Variants in ERP44 observed in about 807,000 individuals in gnomAD.
ERP44 encodes the protein endoplasmic reticulum resident protein 44.
In ERP44, 25 loss-of-function variants were observed where a neutral mutation model predicts 53.4. That is an observed-to-expected ratio of 0.47 (90% CI 0.34 to 0.65). The LOEUF is 0.65. ERP44 is among the 30% of genes least tolerant of loss of function. The pLI is 0.01. For missense variants in ERP44, 338 were observed against 493.2 expected, an observed-to-expected ratio of 0.69 and a Z score of 2.98; for synonymous variants, 145 against 161.2, an observed-to-expected ratio of 0.90 and a Z score of 0.76.
At chr9:100,025,543 A>T (rs1007722223) in intron 4 of ERP44, among the ~76,000 whole-genome samples, 2 of 152,176 alleles carry the variant, frequency 1.3e-5, no homozygotes, top group African/African-American at 4.8e-5. Context: ...CAAAAGCAGA[A>T]AAACATTTGA....
At chr9:100,019,067 T>A (rs1239720281) in intron 6 of ERP44, among the ~76,000 whole-genome samples, 2 of 152,220 alleles carry the variant, frequency 1.3e-5, no homozygotes, top group African/African-American at 4.8e-5. Flanking sequence ...GTAGATATAT[T>A]TATCTTTGGT....
intron 10 of ERP44, among the ~76,000 whole-genome samples, chr9:99,994,266 T>C (rs1450269930): frequency 6.6e-6 from 1 of 152,126 alleles, no homozygotes; most frequent in African/African-American, 2.4e-5. Flanking sequence ...TGTCCATCAG[T>C]GATAGACTGG....
chr9:100,018,106 AAGGGTTTAGATC>A, intron 7 of ERP44, 138 bp downstream of exon 7: 1 of 587,700 alleles, frequency 1.7e-6, no homozygotes, highest in Non-Finnish European at 3.0e-6. Flanking sequence ...CTTCATTTTG[AAGGGTTTAGATC>A]AGCACAAGAT....
chr9:100,051,352 T>C (rs542165014), intron 4 of ERP44, among the ~76,000 whole-genome samples: 40 of 152,326 alleles, frequency 2.6e-4, no homozygotes, highest in Non-Finnish European at 5.0e-4. Flanking sequence ...TCATATCCAT[T>C]TCCTCATCAG....
chr9:99,987,779 T>C (rs1830209800), intron 10 of ERP44, among the ~76,000 whole-genome samples: 1 of 151,724 alleles, frequency 6.6e-6, no homozygotes, highest in Non-Finnish European at 1.5e-5. Flanking sequence ...CTTTTTTTTT[T>C]CACTTGGCAT....
intron 8 of ERP44, among the ~76,000 whole-genome samples, chr9:100,015,791 G>C (rs953504365): frequency 6.6e-6 from 1 of 152,156 alleles, no homozygotes; most frequent in East Asian, 1.9e-4. Flanking sequence ...TTCCACCTCA[G>C]ATCATCAGGC....
intron 10 of ERP44, among the ~76,000 whole-genome samples, chr9:99,987,224 G>GT (rs1830203378): frequency 6.6e-6 from 1 of 152,202 alleles, no homozygotes; most frequent in Admixed American, 6.5e-5. Flanking sequence ...TATCTAGCTT[G>GT]TGGCCAGAAA....
intron 1 of ERP44, among the ~76,000 whole-genome samples, chr9:100,088,682 T>C (rs1252788580): frequency 6.6e-6 from 1 of 152,174 alleles, no homozygotes; most frequent in Non-Finnish European, 1.5e-5. Context: ...ACACCACCAC[T>C]TAGGAGTCAG....
chr9:99,986,297 ATAAG>A (rs1379342098), intron 10 of ERP44, among the ~76,000 whole-genome samples: 2 of 152,226 alleles, frequency 1.3e-5, no homozygotes, highest in Non-Finnish European at 2.9e-5. Context: ...TGCTAATTTG[ATAAG>A]TAAAAGATAC....
At chr9:100,013,664 C>T (rs549203438) in intron 8 of ERP44, among the ~76,000 whole-genome samples, 4 of 152,216 alleles carry the variant, frequency 2.6e-5, no homozygotes, top group Non-Finnish European at 4.4e-5. Context: ...TGGGTAAGGA[C>T]GTGGAGCAAT....
At chr9:99,988,188 C>T (rs2118601534) in intron 10 of ERP44, among the ~76,000 whole-genome samples, 1 of 152,212 alleles carries the variant, frequency 6.6e-6, no homozygotes, top group South Asian at 2.1e-4. Context: ...TGTTGAGCAC[C>T]CTTCACATGT....
At chr9:100,034,146 G>A (rs1825825963) in intron 4 of ERP44, among the ~76,000 whole-genome samples, 1 of 152,174 alleles carries the variant, frequency 6.6e-6, no homozygotes, top group African/African-American at 2.4e-5. Context: ...GAGATAGGAG[G>A]TTGGCACAAG....
chr9:100,083,387 G>GA (rs1826448160), intron 1 of ERP44, among the ~76,000 whole-genome samples: 1 of 151,928 alleles, frequency 6.6e-6, no homozygotes, highest in Non-Finnish European at 1.5e-5. Flanking sequence ...ATTATTAAAG[G>GA]AAAAAAGCAA....
At position 99,995,920 on chromosome 9, in the gene ERP44, C is replaced by CTTTT. The variant is rs34632626; in HGVS notation, c.1016+10582_1016+10585dup. 1.2e-4 allele frequency among the ~76,000 whole-genome samples: 14 copies of CTTTT among 121,430 alleles called. 1 individual carries two copies. Among genetic ancestry groups the CTTTT allele is most frequent in the Admixed American group, 3.3e-4 (4 of 12,026 alleles). The allele number at this position is 121,430 out of a possible 152,430, so 79.7% of individuals were successfully genotyped here. A position where few individuals can be genotyped will look rare whatever the true frequency, so the allele number is the denominator to read the frequency against. On this transcript the variant is annotated intron_variant, in intron 10 of 11. Transcript: ENST00000262455. ...GGGATTGCTGGATCATAGGGTAGTT[C>CTTTT]TTTTTTTTTTTTTTTTTTTTTATTT...
intron 1 of ERP44, among the ~76,000 whole-genome samples, chr9:100,079,413 TACACACACACACACACACAC>T (rs58110423): frequency 5.8e-5 from 8 of 137,358 alleles, no homozygotes; most frequent in East Asian, 4.5e-4. Flanking sequence ...AACTCCCCTT[TACACACACACACACACACAC>T]ACACACACAC....
chr9:100,000,581 GT>G (rs1252236033), intron 10 of ERP44, among the ~76,000 whole-genome samples: 1 of 151,966 alleles, frequency 6.6e-6, no homozygotes, highest in Non-Finnish European at 1.5e-5. Context: ...CTATTGGTCT[GT>G]TTAGATTTTC....
At chr9:100,027,127 G>T (rs1830661599) in intron 4 of ERP44, among the ~76,000 whole-genome samples, 1 of 152,340 alleles carries the variant, frequency 6.6e-6, no homozygotes, top group African/African-American at 2.4e-5. Flanking sequence ...AGCAGCCACT[G>T]AGCTGTAGAG....
chr9:100,007,801 T>A, intron 8 of ERP44, 112 bp from the exon 9 acceptor site: 1 of 686,462 alleles, frequency 1.5e-6, no homozygotes, highest in Non-Finnish European at 2.6e-6. Context: ...AGTTGCAATA[T>A]CCCGGGGGAA....
intron 2 of ERP44, among the ~76,000 whole-genome samples, chr9:100,058,125 G>C (rs1266429173): frequency 6.6e-6 from 1 of 152,076 alleles, no homozygotes; most frequent in Non-Finnish European, 1.5e-5. Context: ...GCCCAGGCTA[G>C]AGTGCAGTGG....
Sources: gnomAD v4.1 joint callset for allele counts (sites outside exome capture counted in the v4.1 genomes callset) on GRCh38, gnomAD v4.1.1 for gene constraint, MANE v1.5 for transcripts, NCBI Gene and HGNC (gene_info 2026-07-23, HGNC 2026-07-21) for gene names.